Variants in CCBE1 observed in about 807,000 individuals in gnomAD.
CCBE1 encodes collagen and calcium-binding EGF domain-containing protein 1.
In CCBE1, 37 loss-of-function variants were observed where a neutral mutation model predicts 50.0. That is an observed-to-expected ratio of 0.74 (90% CI 0.57 to 0.97). The LOEUF (loss-of-function observed/expected upper bound fraction) is 0.97, where lower values mean the gene tolerates loss of function less well. CCBE1 is among the 50% of genes least tolerant of loss of function. CCBE1 has a pLI of 0.00. For synonymous variants in CCBE1, 234 were observed against 203.7 expected (o/e 1.15, Z -1.27); for missense variants, 538 against 523.8 (o/e 1.03, Z -0.26).
At chr18:59,653,673 C>T (rs79275683) in intron 2 of CCBE1, among the ~76,000 whole-genome samples, 9,168 of 152,200 alleles carry the variant, frequency 0.06, 342 homozygotes, top group Middle Eastern at 0.088. Flanking sequence ...TGCTCTATGC[C>T]TCCCAATAGA....
intron 2 of CCBE1, among the ~76,000 whole-genome samples, chr18:59,694,720 T>C (rs1482028222): frequency 1.3e-5 from 2 of 152,152 alleles, no homozygotes; most frequent in Admixed American, 1.3e-4. Flanking sequence ...TCCTCTATTC[T>C]TGGGATTCAA....
chr18:59,500,244 C>A (rs1419867054), intron 2 of CCBE1, among the ~76,000 whole-genome samples: 3 of 152,198 alleles, frequency 2.0e-5, no homozygotes, highest in Admixed American at 6.5e-5. Flanking sequence ...TCCCACACAT[C>A]CTAGGAGACT....
chr18:59,654,791 CAAA>C (rs34690890), intron 2 of CCBE1, among the ~76,000 whole-genome samples: 4 of 94,314 alleles, frequency 4.2e-5, no homozygotes, highest in Admixed American at 1.2e-4. Flanking sequence ...ACTCCGTCTC[CAAA>C]AAAAAAAAAA....
chr18:59,467,413 G>C (rs552460715), intron 4 of CCBE1, among the ~76,000 whole-genome samples: 54 of 152,284 alleles, frequency 3.5e-4, no homozygotes, highest in Non-Finnish European at 5.6e-4. Flanking sequence ...TAAAAGCCAT[G>C]ATGGCACCTG....
chr18:59,495,954 T>C (rs1008798737), intron 2 of CCBE1, among the ~76,000 whole-genome samples: 2 of 152,238 alleles, frequency 1.3e-5, no homozygotes, highest in African/African-American at 4.8e-5. Context: ...GAGATGTTCC[T>C]GGTGTAGGGT....
At chr18:59,511,605 C>T (rs562276386) in intron 2 of CCBE1, among the ~76,000 whole-genome samples, 64 of 152,308 alleles carry the variant, frequency 4.2e-4, no homozygotes, top group Non-Finnish European at 6.2e-4. Context: ...TATCTTTCCA[C>T]GAGGAACATT....
At chr18:59,459,190 C>T (rs1156411392) in intron 5 of CCBE1, 1 of 152,152 alleles carries the variant, frequency 6.6e-6, no homozygotes, top group African/African-American at 2.4e-5. Flanking sequence ...CAGTTCTCTA[C>T]AAAATCAGAT....
chr18:59,622,790 A>C (rs2053730159), intron 2 of CCBE1, among the ~76,000 whole-genome samples: 1 of 150,156 alleles, frequency 6.7e-6, no homozygotes, highest in African/African-American at 2.5e-5. Flanking sequence ...TGACAGAGAG[A>C]GATTCCATCT....
At chr18:59,486,429 G>A (rs1912826549) in intron 2 of CCBE1, among the ~76,000 whole-genome samples, 1 of 152,140 alleles carries the variant, frequency 6.6e-6, no homozygotes, top group Non-Finnish European at 1.5e-5. Flanking sequence ...ATTTCAAGAG[G>A]CCGGAAAAGA....
rs75436084 is a variant in CCBE1, at chr18:59,438,190, T to C, written c.952-44A>G. 320 of 1,575,180 alleles carry C rather than the reference T, an allele frequency of 2.0e-4. No individual in the cohort carries two copies. In the African/African-American group the frequency reaches 3.9e-3, roughly 19 times the overall value. On this transcript the variant is annotated intron_variant, in intron 9 of 10. Transcript: ENST00000439986. ...GGGTTAGCTTTCTAGAGCACATGGA[T>C]ATCACAAGAATAGTCTCTATTTATA...
At chr18:59,516,232 TAC>T (rs1363716839) in intron 2 of CCBE1, among the ~76,000 whole-genome samples, 1 of 151,832 alleles carries the variant, frequency 6.6e-6, no homozygotes, top group African/African-American at 2.4e-5. Context: ...GTGCTGGGAT[TAC>T]AGTTTGTTTT....
intron 2 of CCBE1, among the ~76,000 whole-genome samples, chr18:59,539,016 A>T (rs1329563029): frequency 6.6e-6 from 1 of 151,942 alleles, no homozygotes; most frequent in Non-Finnish European, 1.5e-5. Context: ...CATCTCTAGA[A>T]AAGTAAAAAA....
At chr18:59,465,062 C>CA (rs1241809375) in intron 5 of CCBE1, 3 of 152,238 alleles carry the variant, frequency 2.0e-5, no homozygotes, top group African/African-American at 7.2e-5. Context: ...TGTGTGGCAC[C>CA]AGCCTCAGGC....
chr18:59,530,579 T>A (rs1301194533), intron 2 of CCBE1, among the ~76,000 whole-genome samples: 1 of 152,228 alleles, frequency 6.6e-6, no homozygotes, highest in Non-Finnish European at 1.5e-5. Context: ...CTTTCCCTCC[T>A]GTACACTGAT....
At chr18:59,639,615 T>G (rs1406417011) in intron 2 of CCBE1, among the ~76,000 whole-genome samples, 1 of 152,124 alleles carries the variant, frequency 6.6e-6, no homozygotes, top group Non-Finnish European at 1.5e-5. Context: ...ACCACTCCTA[T>G]TCAACTTAGT....
At chr18:59,676,457 A>G (rs1210650854) in intron 2 of CCBE1, among the ~76,000 whole-genome samples, 1 of 152,170 alleles carries the variant, frequency 6.6e-6, no homozygotes, top group Admixed American at 6.5e-5. Context: ...TTCTCTTTCA[A>G]TTTATGCTAT....
chr18:59,504,565 G>A (rs1168808202), intron 2 of CCBE1, among the ~76,000 whole-genome samples: 1 of 151,956 alleles, frequency 6.6e-6, no homozygotes, highest in Non-Finnish European at 1.5e-5. Flanking sequence ...AAAAGGACAT[G>A]GAAAAGGCTG....
At chr18:59,546,706 A>G (rs541785906) in intron 2 of CCBE1, among the ~76,000 whole-genome samples, 1 of 152,096 alleles carries the variant, frequency 6.6e-6, no homozygotes, top group African/African-American at 2.4e-5. Flanking sequence ...TCTGGTAAAT[A>G]TTTTCCTTAG....
intron 2 of CCBE1, among the ~76,000 whole-genome samples, chr18:59,616,350 C>G (rs1027376534): frequency 6.6e-6 from 1 of 152,134 alleles, no homozygotes; most frequent in Admixed American, 6.5e-5. Flanking sequence ...ATGGGAGACC[C>G]CAGATGTGAT....
Sources: gnomAD v4.1 joint callset for allele counts (sites outside exome capture counted in the v4.1 genomes callset) on GRCh38, gnomAD v4.1.1 for gene constraint, MANE v1.5 for transcripts, NCBI Gene and HGNC (gene_info 2026-07-23, HGNC 2026-07-21) for gene names.